The following KIF17 variants were observed in gnomAD, a reference collection of about 807,000 sequenced individuals.
The protein encoded by KIF17 is kinesin-like protein KIF17.
A neutral mutation model predicts 96.8 loss-of-function variants in KIF17; 80 were observed. That is an observed-to-expected ratio of 0.83 (90% CI 0.69 to 1.00). KIF17 has a LOEUF of 1.00. Among genes scored for constraint, KIF17 ranks in the 50% least tolerant of loss-of-function variants. The pLI is 0.00. For missense variants in KIF17, 1,280 were observed against 1,372.9 expected (o/e 0.93, Z 1.07); for synonymous variants, 567 against 587.5 (o/e 0.97, Z 0.51).
Position 20,684,915 on chromosome 1 carries a change from G to A in KIF17, c.2125C>T (p.Pro709Ser), listed in dbSNP as rs766940874. 63 of 1,595,582 alleles carry A rather than the reference G, an allele frequency of 3.9e-5. No homozygotes were observed. The Middle Eastern group carries it at 2.0e-3, about 50-fold the overall frequency. The change falls in exon 10 of 15, where the codon CCC (proline) becomes TCC (serine). Residue 709 changes from proline (P) to serine (S), a missense_variant. Pro to Ser is a moderately conservative substitution (Grantham distance 74, BLOSUM62 -1). Coordinates refer to ENST00000400463, the MANE Select transcript of KIF17 (RefSeq NM_001122819.3). ...TTCACACCAGCTGTGGCCGGCAGGG[G>A]CTCAGGCTGAGCCACCAGGGCCACC... is the stretch of plus-strand genomic sequence containing the variant. ...APVALVAQPE[P>S]LPATAGVKRE... is the part of the protein sequence containing the mutation.
At chr1:20,696,074 G>A (rs1361579771) in intron 6 of KIF17, among the ~76,000 whole-genome samples, 1 of 152,156 alleles carries the variant, frequency 6.6e-6, no homozygotes, top group African/African-American at 2.4e-5. Context: ...CAGAGGCTCA[G>A]AGAGCTCAAA....
Position 20,703,797 on chromosome 1 carries a change from A to C in KIF17, c.1123+650T>G, listed in dbSNP as rs1373648343. 2.0e-5 allele frequency among the ~76,000 whole-genome samples: 3 copies of C among 151,982 alleles called. No individual in the cohort carries two copies. In the East Asian group the frequency reaches 5.8e-4, roughly 29 times the overall value. ...TCCCCAAGAGCTTCTGAGATAAGAA[A>C]ATCTTAAGAGTCCTTCACAGCTACT... On this transcript the variant is annotated intron_variant, in intron 5 of 14. Coordinates refer to ENST00000400463, the MANE Select transcript of KIF17 (RefSeq NM_001122819.3).
intron 14 of KIF17, 86 bp from the exon 15 acceptor site, chr1:20,664,848 G>A: frequency 8.0e-7 from 1 of 1,254,676 alleles, no homozygotes; most frequent in Non-Finnish European, 1.1e-6. Flanking sequence ...TGGAGAGCCT[G>A]GCCCACCCCA....
At chr1:20,671,482 T>C (rs1350714306) in intron 12 of KIF17, among the ~76,000 whole-genome samples, 2 of 151,596 alleles carry the variant, frequency 1.3e-5, no homozygotes, top group Non-Finnish European at 2.9e-5. Flanking sequence ...AGGTACATGC[T>C]GCCATGCCTG....
rs967751804 is a variant in KIF17 at position 20,687,172 on chromosome 1, A to G, written c.1938+216T>C. Among the ~76,000 whole-genome samples, 1 of 152,162 alleles carries G rather than the reference A, an allele frequency of 6.6e-6. No individual in the cohort carries two copies. Among genetic ancestry groups the G allele is most frequent in the Non-Finnish European group, 1.5e-5 (1 of 68,016 alleles). On this transcript the variant is annotated intron_variant, in intron 8 of 14. Coordinates refer to ENST00000400463, the MANE Select transcript of KIF17 (RefSeq NM_001122819.3). The surrounding 1 kb of genome is among the most constrained non-coding windows in gnomAD (Gnocchi z 4.4). ...ATCGCGACCCCAACTTTCTTATTGA[A>G]TTACAGAGCATGAGACAGAGCTTCT...
At chr1:20,686,714 C>T (rs1204809460) in intron 8 of KIF17, among the ~76,000 whole-genome samples, 2 of 152,164 alleles carry the variant, frequency 1.3e-5, no homozygotes, top group African/African-American at 4.8e-5. Context: ...CGCCACCACA[C>T]CTGGCTAATT....
intron 6 of KIF17, among the ~76,000 whole-genome samples, chr1:20,692,498 C>T (rs951744388): frequency 2.0e-5 from 3 of 152,104 alleles, no homozygotes; most frequent in African/African-American, 7.2e-5. Context: ...CATGTGCATG[C>T]CACCATGCCT....
intron 11 of KIF17, among the ~76,000 whole-genome samples, chr1:20,675,455 A>C (rs1004455448): frequency 1.3e-5 from 2 of 151,914 alleles, no homozygotes; most frequent in Non-Finnish European, 1.5e-5. Context: ...CTCAAAAAAA[A>C]AAAAAAAATT....
At chr1:20,711,215 C>T (rs952125836) in intron 3 of KIF17, among the ~76,000 whole-genome samples, 13 of 152,136 alleles carry the variant, frequency 8.5e-5, no homozygotes, top group African/African-American at 3.1e-4. Context: ...AGTGGGGGCT[C>T]AGTTACAAAG....
intron 7 of KIF17, among the ~76,000 whole-genome samples, chr1:20,689,671 T>TA (rs200893210): frequency 2.5e-5 from 3 of 121,254 alleles, no homozygotes; most frequent in Non-Finnish European, 3.5e-5. Context: ...AATTTTTTTT[T>TA]AAAAAAAAAG....
In KIF17 at chr1:20,672,119, G is replaced by A; in HGVS notation, c.2541C>T (p.Ile847=). The A allele has an allele frequency of 6.2e-7, 1 of 1,614,198 alleles. No individual in the cohort carries two copies. Among genetic ancestry groups the A allele is most frequent in the Non-Finnish European group, 8.5e-7 (1 of 1,180,046 alleles). The change falls in exon 12 of 15, where the codon ATC becomes ATT. Residue 847 remains isoleucine, a synonymous_variant. Coordinates refer to ENST00000400463, the MANE Select transcript of KIF17 (RefSeq NM_001122819.3). This position sits in a 1 kb window ranked among gnomAD's most constrained non-coding sequence, Gnocchi z 4.3. ...QLEKIDYLAT[I]RRQERDSMLL... is the part of the protein sequence containing the mutation. ...GCATGGAGTCACGCTCCTGCCGGCG[G>A]ATGGTGGCCAAGTAATCGATCTTCT...
chr1:20,677,314 G>A (rs1287853129), intron 11 of KIF17, among the ~76,000 whole-genome samples: 8 of 152,358 alleles, frequency 5.3e-5, no homozygotes, highest in South Asian at 2.1e-4. Context: ...CCTTATGGAG[G>A]AGAAGTTGGC....
chr1:20,689,060 T>C (rs925795171), intron 7 of KIF17, among the ~76,000 whole-genome samples: 1 of 152,168 alleles, frequency 6.6e-6, no homozygotes, highest in Non-Finnish European at 1.5e-5. Flanking sequence ...CCTAGCTAAA[T>C]GGCCTGGATC....
intron 1 of KIF17, among the ~76,000 whole-genome samples, chr1:20,716,231 G>C (rs2054575131): frequency 7.6e-6 from 1 of 131,296 alleles, no homozygotes; most frequent in Non-Finnish European, 1.6e-5. Context: ...GACAGCGCGA[G>C]ACTCCGTCTC....
intron 2 of KIF17, among the ~76,000 whole-genome samples, chr1:20,715,180 T>C (rs927332214): frequency 6.6e-6 from 1 of 152,198 alleles, no homozygotes; most frequent in African/African-American, 2.4e-5. Context: ...ACTTGGTCCA[T>C]AACAATTGCT....
chr1:20,670,081 C>T (rs2053614390), intron 13 of KIF17, among the ~76,000 whole-genome samples: 1 of 151,610 alleles, frequency 6.6e-6, no homozygotes, highest in African/African-American at 2.4e-5. Flanking sequence ...CCTGTGAGGA[C>T]CCTCTTGGTC....
At chr1:20,694,738 A>T (rs1412723576) in intron 6 of KIF17, among the ~76,000 whole-genome samples, 1 of 152,136 alleles carries the variant, frequency 6.6e-6, no homozygotes, top group Non-Finnish European at 1.5e-5. Flanking sequence ...ATACACTTGA[A>T]CCTCAAAGCA....
intron 5 of KIF17, 134 bp from the exon 6 acceptor site, chr1:20,698,622 C>T (rs2054183675): frequency 1.6e-6 from 1 of 637,396 alleles, no homozygotes. Context: ...TCAAACACAT[C>T]TCCATGTAAA....
At position 20,664,827 on chromosome 1, in the gene KIF17, A is replaced by C. The variant is rs1007304519; in HGVS notation, c.2909-65T>G. On this transcript the variant is annotated intron_variant, in intron 14 of 14. Coordinates refer to ENST00000400463, the MANE Select transcript of KIF17 (RefSeq NM_001122819.3). The stretch of plus-strand genomic sequence containing the variant: ...GCAGGGATGGAGAGAAAATGCCCCA[A>C]GTGGGTAGGATGGAGAGCCTGGCCC... 4.1e-6 allele frequency: 6 copies of C among 1,475,540 alleles called. No individual in the cohort carries two copies. In the African/African-American group the frequency reaches 6.9e-5, roughly 17 times the overall value. The allele number at this position is 1,475,540 out of a possible 1,614,324, so 91.4% of individuals were successfully genotyped here.
Sources: allele counts gnomAD v4.1 joint callset (sites outside exome capture counted in the v4.1 genomes callset), GRCh38; gene constraint gnomAD v4.1.1; non-coding constraint Gnocchi (gnomAD v3.1); transcripts MANE v1.5; gene names NCBI Gene and HGNC (gene_info 2026-07-23, HGNC 2026-07-21).